The following FKBP15 variants were observed in gnomAD, a reference collection of about 807,000 sequenced individuals.
FKBP15 encodes FK506-binding protein 15.
In FKBP15, 106 loss-of-function variants were observed where a neutral mutation model predicts 158.1. The ratio of observed to expected loss-of-function variants is 0.67; its 90% CI spans 0.57 to 0.79. FKBP15 has a LOEUF of 0.79. FKBP15 is among the 30% of genes least tolerant of loss of function. The pLI, the probability that FKBP15 is intolerant of heterozygous loss-of-function variation, is 0.00. For missense variants in FKBP15, 1,287 were observed against 1,479.1 expected, an observed-to-expected ratio of 0.87 and a Z score of 2.13; for synonymous variants, 547 against 548.6, an observed-to-expected ratio of 1.00 and a Z score of 0.04.
At chr9:113,173,728 A>C in intron 22 of FKBP15, 123 bp from the exon 23 acceptor site, 3 of 951,550 alleles carry the variant, frequency 3.2e-6, no homozygotes, top group Non-Finnish European at 4.7e-6. Flanking sequence ...TTTAACTGGG[A>C]AACTGTTTAA....
At chr9:113,173,695 AAAG>A in intron 22 of FKBP15, 90 bp from the exon 23 acceptor site, 1 of 1,387,718 alleles carries the variant, frequency 7.2e-7, no homozygotes, top group Non-Finnish European at 9.9e-7. Flanking sequence ...TCAAAAAGCA[AAAG>A]AATAAGCTAA....
At chr9:113,216,083 G>GGAAAAAA (rs1554718976) in intron 1 of FKBP15, among the ~76,000 whole-genome samples, 21 of 85,976 alleles carry the variant, frequency 2.4e-4, no homozygotes, top group African/African-American at 4.9e-4. Flanking sequence ...TTTATTTTGT[G>GGAAAAAA]AAAAAAAAAA....
intron 11 of FKBP15, 80 bp downstream of exon 11, chr9:113,193,412 T>C: frequency 8.5e-7 from 1 of 1,174,944 alleles, no homozygotes; most frequent in Non-Finnish European, 1.2e-6. Context: ...TGCACTGTAG[T>C]GATCCTCCTG....
At chr9:113,214,621 G>T (rs906983922) in intron 1 of FKBP15, among the ~76,000 whole-genome samples, 1 of 152,140 alleles carries the variant, frequency 6.6e-6, no homozygotes, top group African/African-American at 2.4e-5. Context: ...CATGAGCAAC[G>T]GCTTCAACTT....
At chr9:113,168,393 C>A (rs1029842225) in intron 27 of FKBP15, 67 bp downstream of exon 27, 31 of 1,368,154 alleles carry the variant, frequency 2.3e-5, no homozygotes, top group Admixed American at 6.9e-5. Context: ...TTTCTCTTCT[C>A]AGAGCCAGTA....
At chr9:113,219,667 C>T (rs1318145481) in intron 1 of FKBP15, among the ~76,000 whole-genome samples, 1 of 152,182 alleles carries the variant, frequency 6.6e-6, no homozygotes, top group Non-Finnish European at 1.5e-5. Flanking sequence ...TTATCTCTGG[C>T]CAGGAATCTG....
chr9:113,162,902 TCTC>T lies in FKBP15; in HGVS notation c.*3173_*3175del. On this transcript the variant is annotated 3_prime_UTR_variant, in exon 28 of 28. Coordinates refer to ENST00000238256, the MANE Select transcript of FKBP15 (RefSeq NM_015258.2). ...TGGGCTACTACCTAGCTTACCCACT[TCTC>T]AGCACAGCTTAGCTGGTGAGGAACG... The T allele has an allele frequency of 6.2e-7, 1 of 1,610,734 alleles. No individual in the cohort carries two copies.
At position 113,174,555 on chromosome 9, in the gene FKBP15, G is replaced by A; in HGVS notation, c.2252C>T (p.Ala751Val). ...CTCCTCGGCCTGAGAACGCTCTTGAGCTGACTTCTTTTTCCTTTCTGAGAG... is the reference window on the plus strand; with the variant it reads ...CTCCTCGGCCTGAGAACGCTCTTGAACTGACTTCTTTTTCCTTTCTGAGAG... The part of the protein sequence containing the change: ...KNLSERKKKS[A>V]QERSQAEEEI... The change falls in exon 22 of 28, where the codon GCT becomes GTT. Residue 751 changes from alanine (A) to valine (V), a missense_variant. Transcript: ENST00000238256. 6.2e-7 allele frequency: 1 copy of A among 1,613,960 alleles called. No individual in the cohort carries two copies. The highest frequency in any genetic ancestry group is 1.1e-5 in the South Asian group (1 of 91,080).
At chr9:113,205,725 CT>C (rs1444383488) in intron 4 of FKBP15, among the ~76,000 whole-genome samples, 4 of 152,236 alleles carry the variant, frequency 2.6e-5, no homozygotes, top group East Asian at 1.9e-4. Context: ...ACGATACATA[CT>C]TTTTTTGTCT....
rs1271013606 is a variant in FKBP15 at position 113,162,038 on chromosome 9, C to T, written c.*4040G>A. On this transcript the variant is annotated 3_prime_UTR_variant, in exon 28 of 28. Transcript: ENST00000238256. Reference sequence around the variant, plus strand: ...CCATGGGTCACTAGGCTCCCATATCCAGGAGGGGATCTGCAGCTGTCCTGA... The same window carrying T: ...CCATGGGTCACTAGGCTCCCATATCTAGGAGGGGATCTGCAGCTGTCCTGA... 5.1e-6 allele frequency: 2 copies of T among 393,458 alleles called. No individual in the cohort carries two copies. The highest frequency in any genetic ancestry group is 9.5e-6 in the Non-Finnish European group (2 of 209,708). The allele number at this position is 393,458 out of a possible 1,614,324, so 24.4% of individuals were successfully genotyped here.
At chr9:113,202,722 G>T in intron 5 of FKBP15, 93 bp from the exon 6 acceptor site, 1 of 998,676 alleles carries the variant, frequency 1.0e-6, no homozygotes, top group Non-Finnish European at 1.5e-6. Context: ...TCTTGACTCA[G>T]GTGGACCCAA....
At chr9:113,189,061 C>T (rs1032524308) in intron 12 of FKBP15, among the ~76,000 whole-genome samples, 1 of 152,172 alleles carries the variant, frequency 6.6e-6, no homozygotes, top group African/African-American at 2.4e-5. Flanking sequence ...AAAGCTATAA[C>T]TCTAAACAAA....
Position 113,171,629 on chromosome 9 carries a change from C to G in FKBP15, c.2610G>C (p.Lys870Asn). The G allele has an allele frequency of 6.2e-7, 1 of 1,605,704 alleles. No homozygotes were observed. The change falls in exon 24 of 28, where the codon AAG becomes AAC. Residue 870 changes from lysine to asparagine, a missense_variant. Physicochemically the swap from Lys to Asn is moderately conservative, Grantham distance 94. Coordinates refer to ENST00000238256, the MANE Select transcript of FKBP15 (RefSeq NM_015258.2). ...CAGCTTCAACCCCAGACATCTGGGACTTGTTCTTCTCTAGTTCCTTGATGT... is the reference window on the plus strand; with the variant it reads ...CAGCTTCAACCCCAGACATCTGGGAGTTGTTCTTCTCTAGTTCCTTGATGT... ...EQHIKELEKN[K>N]SQMSGVEAAA...
chr9:113,208,344 A>C (rs1252956199), intron 2 of FKBP15, among the ~76,000 whole-genome samples: 4 of 152,176 alleles, frequency 2.6e-5, no homozygotes, highest in Non-Finnish European at 5.9e-5. Flanking sequence ...CTCAAAAAAA[A>C]CAAAAAAACA....
At chr9:113,212,825 T>C (rs1249698882) in intron 1 of FKBP15, among the ~76,000 whole-genome samples, 1 of 152,204 alleles carries the variant, frequency 6.6e-6, no homozygotes, top group Admixed American at 6.5e-5. Context: ...TGGTATCAAA[T>C]GCTATCCAAA....
intron 21 of FKBP15, 115 bp downstream of exon 21, chr9:113,176,422 C>G (rs1830300638): frequency 8.0e-7 from 1 of 1,250,156 alleles, no homozygotes; most frequent in African/African-American, 1.5e-5. Flanking sequence ...TAATTTTACA[C>G]TTTTCTATAT....
chr9:113,172,015 C>A (rs1307032702), intron 23 of FKBP15, among the ~76,000 whole-genome samples: 1 of 147,554 alleles, frequency 6.8e-6, no homozygotes, highest in Admixed American at 6.8e-5. Flanking sequence ...CAACCCCCGA[C>A]AGGCCCCGGT....
intron 4 of FKBP15, among the ~76,000 whole-genome samples, chr9:113,205,737 A>T: frequency 1.3e-5 from 2 of 152,166 alleles, no homozygotes; most frequent in Non-Finnish European, 1.5e-5. Context: ...TTTTTTGTCT[A>T]TTCCCAATAG....
chr9:113,167,812 G>A (rs1830121789), intron 27 of FKBP15, among the ~76,000 whole-genome samples: 1 of 152,160 alleles, frequency 6.6e-6, no homozygotes, highest in African/African-American at 2.4e-5. Context: ...GAGAACCGGG[G>A]TTCTAATTCA....
Sources: gnomAD v4.1 joint callset for allele counts (sites outside exome capture counted in the v4.1 genomes callset) on GRCh38, gnomAD v4.1.1 for gene constraint, MANE v1.5 for transcripts, NCBI Gene and HGNC (gene_info 2026-07-23, HGNC 2026-07-21) for gene names.